Variants in RAF1 observed in about 807,000 individuals in gnomAD.
RAF1 encodes RAF proto-oncogene serine/threonine-protein kinase.
Under a neutral mutation model 81.1 loss-of-function variants are expected in RAF1, and 27 were observed. The ratio of observed to expected loss-of-function variants is 0.33; its 90% CI spans 0.25 to 0.46. The LOEUF (loss-of-function observed/expected upper bound fraction) is 0.46, where lower values mean the gene tolerates loss of function less well. Among genes scored for constraint, RAF1 ranks in the 20% least tolerant of loss-of-function variants. The pLI is 1.00. For missense variants in RAF1, 598 were observed against 826.0 expected (o/e 0.72, Z 3.38); for synonymous variants, 298 against 294.0 (o/e 1.01, Z -0.14).
rs532210787 is a variant in RAF1 at position 12,642,949 on chromosome 3, C to T, written c.-27+20864G>A. Among the ~76,000 whole-genome samples the T allele has an allele frequency of 6.5e-4, 99 of 151,400 alleles. No individual in the cohort carries two copies. In the South Asian group the frequency reaches 7.3e-3, roughly 11 times the overall value. ...TGAGGAATTCCACCAACAAAATGCA[C>T]CAAATATAGCCAAAGAGTTTTCTGC... is the stretch of plus-strand genomic sequence containing the variant. On this transcript the variant is annotated intron_variant, in intron 1 of 17. Transcript: ENST00000442415.
intron 5 of RAF1, 87 bp from the exon 6 acceptor site, chr3:12,606,386 G>A: frequency 1.1e-6 from 1 of 947,138 alleles, no homozygotes; most frequent in South Asian, 1.4e-5. Flanking sequence ...CAAACTCAGA[G>A]CTACTAAAAC....
At chr3:12,609,505 T>A (rs558646361) in intron 3 of RAF1, among the ~76,000 whole-genome samples, 170 bp from the exon 4 acceptor site, 10 of 152,122 alleles carry the variant, frequency 6.6e-5, no homozygotes, top group Non-Finnish European at 1.3e-4. Context: ...ATTATTTCTA[T>A]CTGAAAAATA....
At chr3:12,613,371 A>G (rs2059274589) in intron 2 of RAF1, among the ~76,000 whole-genome samples, 1 of 152,122 alleles carries the variant, frequency 6.6e-6, no homozygotes, top group Admixed American at 6.6e-5. Flanking sequence ...CTCTGATTGA[A>G]AGTGCTAACA....
chr3:12,646,302 C>T (rs2060346048), intron 1 of RAF1, among the ~76,000 whole-genome samples: 1 of 152,104 alleles, frequency 6.6e-6, no homozygotes, highest in Admixed American at 6.6e-5. Context: ...ATTCATGCAG[C>T]TAACATTATA....
chr3:12,599,659 T>G (rs2058795119), intron 11 of RAF1, 32 bp downstream of exon 10: 1 of 1,557,916 alleles, frequency 6.4e-7, no homozygotes, highest in Admixed American at 1.7e-5. Context: ...ACCAAAGCCC[T>G]GCAGTTAGTA....
intron 1 of RAF1, among the ~76,000 whole-genome samples, chr3:12,632,324 C>CA (rs34396520): frequency 0.43 from 52,836 of 123,314 alleles, 12,482 homozygotes; most frequent in African/African-American, 0.63. Context: ...AACTCCGTCT[C>CA]AAAAAAAAAA....
chr3:12,653,143 A>G (rs1309014874), intron 1 of RAF1, among the ~76,000 whole-genome samples: 1 of 151,850 alleles, frequency 6.6e-6, no homozygotes, highest in African/African-American at 2.4e-5. Context: ...TTAGCTGGGC[A>G]TAGTGGCACA....
At position 12,655,626 on chromosome 3, in the gene RAF1, T is replaced by C. The variant is rs144571035; in HGVS notation, c.-27+8187A>G. On this transcript the variant is annotated intron_variant, in intron 1 of 17. Transcript: ENST00000442415. The stretch of plus-strand genomic sequence containing the variant: ...GCTCCAACAGATATTTGTACACCAA[T>C]GTTCACTGCAGCATTATTTACAACA... Among the ~76,000 whole-genome samples, 300 of 152,252 alleles carry C rather than the reference T, an allele frequency of 2.0e-3. 1 individual carries two copies. The highest frequency in any genetic ancestry group is 6.3e-3 in the African/African-American group (262 of 41,546).
chr3:12,645,503 AC>A (rs1489743641), intron 1 of RAF1, among the ~76,000 whole-genome samples: 1 of 152,218 alleles, frequency 6.6e-6, no homozygotes, highest in Non-Finnish European at 1.5e-5. Flanking sequence ...TTTGAATGGT[AC>A]AATGGGATTT....
At chr3:12,635,659 AAG>A (rs1199727149) in intron 1 of RAF1, among the ~76,000 whole-genome samples, 9 of 123,742 alleles carry the variant, frequency 7.3e-5, no homozygotes, top group Non-Finnish European at 1.3e-4. Context: ...AAAAAAAAAA[AAG>A]AGAGAGAGAG....
intron 13 of RAF1, chr3:12,588,322 A>G (rs2058395148): frequency 6.6e-6 from 1 of 152,208 alleles, no homozygotes; most frequent in African/African-American, 2.4e-5. Flanking sequence ...TATGTATTAT[A>G]TACAGCCAAG....
chr3:12,619,170 G>A (rs922336354), intron 1 of RAF1, among the ~76,000 whole-genome samples: 5 of 151,690 alleles, frequency 3.3e-5, no homozygotes, highest in Admixed American at 6.6e-5. Context: ...GCGGGAACCT[G>A]GGAGGCGGAG....
intron 6 of RAF1, 105 bp downstream of exon 6, chr3:12,606,096 G>A (rs921586176): frequency 3.2e-5 from 26 of 804,916 alleles, no homozygotes; most frequent in Middle Eastern, 2.3e-4. Context: ...GGGTTTCCAC[G>A]TAGAGAGGAG....
intron 1 of RAF1, among the ~76,000 whole-genome samples, chr3:12,660,947 A>C (rs1192559300): frequency 6.6e-6 from 1 of 152,184 alleles, no homozygotes; most frequent in African/African-American, 2.4e-5. Flanking sequence ...GCGCTAAAAA[A>C]ACACCACATA....
chr3:12,588,382 T>C (rs1346351149), intron 13 of RAF1: 1 of 152,200 alleles, frequency 6.6e-6, no homozygotes, highest in Non-Finnish European at 1.5e-5. Context: ...GTTAGCCAAC[T>C]TGTCATCATG....
rs573119009 is a variant in RAF1 at position 12,593,236 on chromosome 3, T to C, written c.1169-1444A>G. On this transcript the variant is annotated intron_variant, in intron 11 of 17. Coordinates refer to ENST00000442415, the MANE Select transcript of RAF1 (RefSeq NM_001354689.3). ...CTGGGATTACAGGCATGCTCCACCA[T>C]GCCCAACTAATTTTTGTATTTTTGG... Among the ~76,000 whole-genome samples, 5 of 152,068 alleles carry C rather than the reference T, an allele frequency of 3.3e-5. No homozygotes were observed. The East Asian group carries it at 5.8e-4, about 18-fold the overall frequency.
At chr3:12,616,842 T>G (rs1575596940) in intron 2 of RAF1, among the ~76,000 whole-genome samples, 1 of 152,326 alleles carries the variant, frequency 6.6e-6, no homozygotes, top group East Asian at 1.9e-4. Flanking sequence ...TTCTCAAAAG[T>G]TCCACCAAGC....
At chr3:12,616,412 T>C (rs1309617446) in intron 2 of RAF1, among the ~76,000 whole-genome samples, 3 of 152,138 alleles carry the variant, frequency 2.0e-5, no homozygotes, top group Non-Finnish European at 4.4e-5. Context: ...ACAAAGAAAA[T>C]TAATGAGAAA....
chr3:12,646,122 T>A (rs1394040449), intron 1 of RAF1, among the ~76,000 whole-genome samples: 6 of 152,134 alleles, frequency 3.9e-5, no homozygotes, highest in Non-Finnish European at 8.8e-5. Context: ...AATATACTAA[T>A]AGATGGTGTA....
Sources: allele counts gnomAD v4.1 joint callset (sites outside exome capture counted in the v4.1 genomes callset), GRCh38; gene constraint gnomAD v4.1.1; transcripts MANE v1.5; gene names NCBI Gene and HGNC (gene_info 2026-07-23, HGNC 2026-07-21).